The following UHRF2 variants were observed in gnomAD, a reference collection of about 807,000 sequenced individuals.
The protein encoded by UHRF2 is E3 ubiquitin-protein ligase UHRF2.
UHRF2 carries 23 observed loss-of-function variants against 96.8 expected under a neutral mutation model. That is an observed-to-expected ratio of 0.24 (90% CI 0.17 to 0.34). The LOEUF (loss-of-function observed/expected upper bound fraction) is 0.34. UHRF2 is among the 10% of genes least tolerant of loss of function. UHRF2 has a pLI of 1.00. For synonymous variants in UHRF2, 385 were observed against 332.6 expected (o/e 1.16, Z -1.72); for missense variants, 685 against 981.5 (o/e 0.70, Z 4.04).
intron 6 of UHRF2, among the ~76,000 whole-genome samples, chr9:6,480,667 A>G (rs1377644163): frequency 6.6e-6 from 1 of 152,230 alleles, no homozygotes; most frequent in African/African-American, 2.4e-5. Flanking sequence ...ACAGTTAGTT[A>G]TAAAGATGAG....
At chr9:6,474,869 G>C (rs1380352458) in intron 4 of UHRF2, among the ~76,000 whole-genome samples, 1 of 152,074 alleles carries the variant, frequency 6.6e-6, no homozygotes, top group Non-Finnish European at 1.5e-5. Context: ...TTTTTGCCTA[G>C]AAATTATATT....
At chr9:6,446,707 T>G (rs1232495965) in intron 3 of UHRF2, among the ~76,000 whole-genome samples, 1 of 151,774 alleles carries the variant, frequency 6.6e-6, no homozygotes, top group African/African-American at 2.4e-5. Flanking sequence ...TTGCTTGGTG[T>G]GGTGGTGCAC....
intron 4 of UHRF2, among the ~76,000 whole-genome samples, chr9:6,466,077 A>T (rs1822840676): frequency 6.6e-6 from 1 of 152,222 alleles, no homozygotes; most frequent in Non-Finnish European, 1.5e-5. Context: ...TTTGAATCCT[A>T]TAGGAAGAAA....
chr9:6,443,409 T>C (rs181368587), intron 3 of UHRF2, among the ~76,000 whole-genome samples: 64 of 152,346 alleles, frequency 4.2e-4, no homozygotes, highest in African/African-American at 1.5e-3. Flanking sequence ...TGCTCAGTGT[T>C]AGAGAGCTAG....
At chr9:6,420,356 AT>A (rs993051544) in intron 1 of UHRF2, among the ~76,000 whole-genome samples, 2 of 144,352 alleles carry the variant, frequency 1.4e-5, no homozygotes. Flanking sequence ...CGCCCGGCCC[AT>A]TTTTTTTGTT....
chr9:6,465,119 G>C (rs182639452), intron 4 of UHRF2, among the ~76,000 whole-genome samples: 5 of 152,182 alleles, frequency 3.3e-5, no homozygotes, highest in Admixed American at 3.3e-4. Context: ...AAAATAAGTA[G>C]TGATAACAGG....
Position 6,474,135 on chromosome 9 carries a change from G to A in UHRF2, c.864-1256G>A, listed in dbSNP as rs189609501. ...GAGGGGACAAGGTGAGGGTTTCTGA[G>A]GTAGTTGATATTCCTATGTCTTCTG... On this transcript the variant is annotated intron_variant, in intron 4 of 15. Transcript: ENST00000276893. Among the ~76,000 whole-genome samples the A allele has an allele frequency of 2.0e-5, 3 of 152,310 alleles. No homozygotes were observed. The East Asian group carries it at 5.8e-4, about 29-fold the overall frequency.
At chr9:6,468,305 T>G in intron 4 of UHRF2, 1 of 366,866 alleles carries the variant, frequency 2.7e-6, no homozygotes. Flanking sequence ...ATTTGTGACA[T>G]TTATTGAATC....
At chr9:6,441,333 C>G (rs1245886496) in intron 3 of UHRF2, among the ~76,000 whole-genome samples, 1 of 151,656 alleles carries the variant, frequency 6.6e-6, no homozygotes, top group East Asian at 1.9e-4. Flanking sequence ...AAGATTGTGC[C>G]ATTGTACTCC....
intron 3 of UHRF2, among the ~76,000 whole-genome samples, chr9:6,458,074 A>T (rs1308526531): frequency 6.6e-6 from 1 of 152,188 alleles, no homozygotes; most frequent in East Asian, 1.9e-4. Flanking sequence ...ATAGTTTCAG[A>T]AGAAATGGTA....
intron 12 of UHRF2, chr9:6,499,006 G>A (rs1420643315): frequency 1.3e-5 from 2 of 152,100 alleles, no homozygotes; most frequent in Admixed American, 6.5e-5. Context: ...TTGAAAATAA[G>A]GCCATCAACT....
intron 4 of UHRF2, among the ~76,000 whole-genome samples, chr9:6,465,314 C>T (rs1038735857): frequency 2.6e-5 from 4 of 152,102 alleles, no homozygotes; most frequent in Non-Finnish European, 4.4e-5. Context: ...GTGTCCTTCA[C>T]GGATTTATGC....
At position 6,445,972 on chromosome 9, in the gene UHRF2, C is replaced by CG. The variant is rs753469018; in HGVS notation, c.644+11799_644+11800insG. On this transcript the variant is annotated intron_variant, in intron 3 of 15. Transcript: ENST00000276893. ...TTGTTTTGGTAAATACTCTTCCCCC[C>CG]CCGCCACCCTTTTTTTTTTTTTTTT... Among the ~76,000 whole-genome samples the CG allele has an allele frequency of 1.2e-3, 146 of 121,080 alleles. 8 individuals are homozygous for CG. The highest frequency in any genetic ancestry group is 4.7e-3 in the African/African-American group (141 of 29,712). The allele number at this position is 121,080 out of a possible 152,430, so 79.4% of individuals were successfully genotyped here.
chr9:6,497,399 C>G (rs775737937), intron 11 of UHRF2, 39 bp downstream of exon 11: 1 of 1,602,886 alleles, frequency 6.2e-7, no homozygotes, highest in Non-Finnish European at 8.5e-7. Flanking sequence ...GTCATTCTTC[C>G]TGGGCTTTCA....
At chr9:6,433,595 G>C (rs1057366366) in intron 2 of UHRF2, among the ~76,000 whole-genome samples, 1 of 152,056 alleles carries the variant, frequency 6.6e-6, no homozygotes, top group Non-Finnish European at 1.5e-5. Flanking sequence ...CATTCTTACT[G>C]GATGACTTGC....
chr9:6,421,639 A>G (rs573533126), intron 2 of UHRF2, among the ~76,000 whole-genome samples: 8 of 151,834 alleles, frequency 5.3e-5, no homozygotes, highest in African/African-American at 1.9e-4. Flanking sequence ...CTAGTCTCGA[A>G]CTCCTGACCT....
At chr9:6,494,232 T>G in intron 10 of UHRF2, 1 of 285,894 alleles carries the variant, frequency 3.5e-6, no homozygotes, top group African/African-American at 2.2e-5. Flanking sequence ...ATAAGGTGGC[T>G]TGTCTACTAC....
intron 1 of UHRF2, chr9:6,414,194 C>G (rs1288608699): frequency 1.3e-5 from 2 of 152,248 alleles, no homozygotes; most frequent in African/African-American, 4.8e-5. Context: ...ACTGAAGATT[C>G]GAAGGGTTTC....
intron 1 of UHRF2, among the ~76,000 whole-genome samples, chr9:6,420,701 C>A (rs1290510910): frequency 7.0e-6 from 1 of 143,572 alleles, no homozygotes; most frequent in South Asian, 2.2e-4. Flanking sequence ...AGTGAGACAC[C>A]GTCTCAAAAA....
Sources: allele counts gnomAD v4.1 joint callset (sites outside exome capture counted in the v4.1 genomes callset), GRCh38; gene constraint gnomAD v4.1.1; transcripts MANE v1.5; gene names NCBI Gene and HGNC (gene_info 2026-07-23, HGNC 2026-07-21).